The following IKZF3 variants were observed in gnomAD, a reference collection of about 807,000 sequenced individuals.
IKZF3 encodes zinc finger protein Aiolos.
In IKZF3, 10 loss-of-function variants were observed where a neutral mutation model predicts 49.0. That is an observed-to-expected ratio of 0.20 (90% CI 0.13 to 0.35). IKZF3 has a LOEUF of 0.35. Among genes scored for constraint, IKZF3 ranks in the 10% least tolerant of loss-of-function variants. IKZF3 has a pLI of 1.00. For missense variants in IKZF3, 498 were observed against 664.8 expected (o/e 0.75, Z 2.76); for synonymous variants, 209 against 228.2 (o/e 0.92, Z 0.76).
rs527929660 is a variant in IKZF3, at chr17:39,782,849, C to A, written c.710-5082G>T. On this transcript the variant is annotated intron_variant, in intron 6 of 7. Coordinates refer to ENST00000346872, the MANE Select transcript of IKZF3 (RefSeq NM_012481.5). The stretch of plus-strand genomic sequence containing the variant: ...TGTGGATCAATTTCCCTTCACATTG[C>A]TTGCCTACTAAATAGTAGACATACT... Among the ~76,000 whole-genome samples, 254 of 152,254 alleles carry A rather than the reference C, an allele frequency of 1.7e-3. 1 individual carries two copies. The highest frequency in any genetic ancestry group is 5.9e-3 in the African/African-American group (243 of 41,532).
intron 1 of IKZF3, among the ~76,000 whole-genome samples, chr17:39,833,680 A>T (rs2062180834): frequency 3.3e-5 from 5 of 152,318 alleles, no homozygotes; most frequent in Admixed American, 3.3e-4. Flanking sequence ...ATGGACACCT[A>T]GACTGTTTCC....
intron 3 of IKZF3, among the ~76,000 whole-genome samples, chr17:39,807,263 G>T (rs1008275252): frequency 3.3e-5 from 5 of 152,082 alleles, no homozygotes; most frequent in African/African-American, 1.2e-4. Context: ...CTAGGTATCT[G>T]CTCAAAAGCA....
chr17:39,829,244 A>T (rs1041526989), intron 3 of IKZF3, 143 bp downstream of exon 3: 4 of 567,026 alleles, frequency 7.1e-6, no homozygotes, highest in African/African-American at 5.5e-5. Context: ...ATGAAATGCA[A>T]ATATTTGTGA....
chr17:39,772,797 C>T (rs1425616232), intron 7 of IKZF3, among the ~76,000 whole-genome samples: 1 of 152,080 alleles, frequency 6.6e-6, no homozygotes, highest in African/African-American at 2.4e-5. Context: ...AACAATTGCC[C>T]TTCTTCAAGG....
At position 39,762,011 on chromosome 17, in the gene IKZF3, A is replaced by G. The variant is rs2060195341; in HGVS notation, c.*3779T>C. On this transcript the variant is annotated 3_prime_UTR_variant, in exon 8 of 8. Coordinates refer to ENST00000346872, the MANE Select transcript of IKZF3 (RefSeq NM_012481.5). Reference sequence around the variant, plus strand: ...TGAGCTATCGCGCCCGGCCCTTTGCATGGGTTTGGTTGTTCCTCAGACCGT... The same window carrying G: ...TGAGCTATCGCGCCCGGCCCTTTGCGTGGGTTTGGTTGTTCCTCAGACCGT... 1 of 152,158 alleles carries G rather than the reference A, an allele frequency of 6.6e-6. No individual in the cohort carries two copies. Among genetic ancestry groups the G allele is most frequent in the Admixed American group, 6.5e-5 (1 of 15,272 alleles). 9.4% of individuals were successfully genotyped at this position (152,158 alleles called of 1,614,324 possible). A position where few individuals can be genotyped will look rare whatever the true frequency, so the allele number is the denominator to read the frequency against.
chr17:39,846,574 G>GAAATGGCA (rs2062639974), intron 1 of IKZF3, among the ~76,000 whole-genome samples: 1 of 150,418 alleles, frequency 6.6e-6, no homozygotes, highest in African/African-American at 2.4e-5. Flanking sequence ...TTTAAACTTG[G>GAAATGGCA]AAATGGCAGG....
rs554697752 is a variant in IKZF3, at chr17:39,788,105, C to T, written c.709+153G>A. 2.6e-5 allele frequency among the ~76,000 whole-genome samples: 4 copies of T among 152,350 alleles called. No homozygotes were observed. In the South Asian group the frequency reaches 6.2e-4, roughly 24 times the overall value. On this transcript the variant is annotated intron_variant, in intron 6 of 7. Transcript: ENST00000346872. ...ATTTTTCTCAATAGCACTTACCACCCGCTAACCTTCCAACTTACAGTTTGC... is the reference window on the plus strand; with the variant it reads ...ATTTTTCTCAATAGCACTTACCACCTGCTAACCTTCCAACTTACAGTTTGC...
At chr17:39,799,249 A>T (rs1453972336) in intron 3 of IKZF3, among the ~76,000 whole-genome samples, 2 of 152,160 alleles carry the variant, frequency 1.3e-5, no homozygotes, top group Non-Finnish European at 2.9e-5. Flanking sequence ...TAGACATCCC[A>T]TAAATTCCTG....
intron 3 of IKZF3, among the ~76,000 whole-genome samples, chr17:39,813,763 T>C (rs1261228314): frequency 6.6e-6 from 1 of 152,222 alleles, no homozygotes; most frequent in East Asian, 1.9e-4. Context: ...GTGAGTGAAC[T>C]TCTGCAGCAC....
At chr17:39,769,989 C>A (rs1028668136) in intron 7 of IKZF3, among the ~76,000 whole-genome samples, 3 of 152,180 alleles carry the variant, frequency 2.0e-5, no homozygotes, top group African/African-American at 7.2e-5. Flanking sequence ...GACCATTGTT[C>A]ATTGTTAAGG....
In IKZF3 at chr17:39,761,547, C is replaced by G; in HGVS notation, c.*4243G>C. The G allele has an allele frequency of 6.7e-6, 1 of 149,328 alleles. No homozygotes were observed. Among genetic ancestry groups the G allele is most frequent in the African/African-American group, 2.5e-5 (1 of 39,328 alleles). The allele number at this position is 149,328 out of a possible 1,614,324, so 9.3% of individuals were successfully genotyped here. A position where few individuals can be genotyped will look rare whatever the true frequency, so the allele number is the denominator to read the frequency against. On this transcript the variant is annotated 3_prime_UTR_variant, in exon 8 of 8. Transcript: ENST00000346872. ...TAGGCAACATAGTGAGACCCTGGTC[C>G]TCTAAAATATACATACATATATATA...
intron 1 of IKZF3, among the ~76,000 whole-genome samples, chr17:39,849,966 T>A (rs2062749137): frequency 6.6e-6 from 1 of 150,388 alleles, no homozygotes; most frequent in African/African-American, 2.4e-5. Flanking sequence ...GCAATATGTA[T>A]CAAACCTAAA....
intron 1 of IKZF3, among the ~76,000 whole-genome samples, chr17:39,850,978 TTA>T (rs1274917873): frequency 2.1e-5 from 3 of 142,876 alleles, no homozygotes; most frequent in African/African-American, 5.1e-5. Flanking sequence ...CGTGTATATA[TTA>T]TATATGTGTA....
chr17:39,781,000 T>C (rs1179754404), intron 6 of IKZF3, among the ~76,000 whole-genome samples: 1 of 152,128 alleles, frequency 6.6e-6, no homozygotes, highest in Non-Finnish European at 1.5e-5. Context: ...ATGAAAACAG[T>C]AAGGGTCAGA....
chr17:39,805,101 G>A (rs1000422493), intron 3 of IKZF3, among the ~76,000 whole-genome samples: 9 of 151,958 alleles, frequency 5.9e-5, no homozygotes, highest in South Asian at 2.1e-4. Context: ...AATATTCCCC[G>A]TTGTCCTCTC....
intron 1 of IKZF3, among the ~76,000 whole-genome samples, chr17:39,863,653 C>T (rs186436719): frequency 6.6e-6 from 1 of 152,296 alleles, no homozygotes; most frequent in Admixed American, 6.5e-5. Flanking sequence ...AGATCGAGTT[C>T]CAAGGGAACT....
intron 4 of IKZF3, among the ~76,000 whole-genome samples, chr17:39,792,403 T>G (rs1189194707): frequency 1.3e-5 from 2 of 152,214 alleles, no homozygotes; most frequent in African/African-American, 4.8e-5. Flanking sequence ...CAACTCCTAC[T>G]TAGAAACTGA....
chr17:39,855,044 TA>T (rs2062997638), intron 1 of IKZF3, among the ~76,000 whole-genome samples: 1 of 152,160 alleles, frequency 6.6e-6, no homozygotes, highest in African/African-American at 2.4e-5. Flanking sequence ...GAAAAACATG[TA>T]ACGGTCTAAA....
At position 39,792,533 on chromosome 17, in the gene IKZF3, A is replaced by G. The variant is rs117514843; in HGVS notation, c.424+140T>C. ...CAGGAATAAAAAGCACTGAGTGAAC[A>G]GCAATGCAGAGAGAGAGATACATCA... On this transcript the variant is annotated intron_variant, in intron 4 of 7. Transcript: ENST00000346872. 8.9e-5 allele frequency: 72 copies of G among 812,414 alleles called. No individual in the cohort carries two copies. The East Asian group carries it at 1.6e-3, about 18-fold the overall frequency. 50.3% of individuals were successfully genotyped at this position (812,414 alleles called of 1,614,324 possible).
Sources: gnomAD v4.1 joint callset for allele counts (sites outside exome capture counted in the v4.1 genomes callset) on GRCh38, gnomAD v4.1.1 for gene constraint, MANE v1.5 for transcripts, NCBI Gene and HGNC (gene_info 2026-07-23, HGNC 2026-07-21) for gene names.